The following FSTL5 variants were observed in gnomAD, a reference collection of about 807,000 sequenced individuals.
FSTL5 encodes the protein follistatin like 5.
In FSTL5, 62 loss-of-function variants were observed where a neutral mutation model predicts 89.1. The ratio of observed to expected loss-of-function variants is 0.70; its 90% CI spans 0.57 to 0.86. The LOEUF (loss-of-function observed/expected upper bound fraction) is 0.86. Ranked by LOEUF, FSTL5 falls within the 40% of genes least tolerant of loss-of-function variation. FSTL5 has a pLI of 0.00. For synonymous variants in FSTL5, 383 were observed against 346.2 expected (o/e 1.11, Z -1.18); for missense variants, 1,057 against 1,001.6 (o/e 1.06, Z -0.75).
rs559305039 is a variant in FSTL5, at chr4:162,072,024, T to G, written c.127-38366A>C. On this transcript the variant is annotated intron_variant, in intron 2 of 15. Transcript: ENST00000306100. ...ATGGTATCACTGCTTATATATTAGA[T>G]GTGTCATTGACATATAACGTCAATA... Among the ~76,000 whole-genome samples, 8 of 151,884 alleles carry G rather than the reference T, an allele frequency of 5.3e-5. No homozygotes were observed. The East Asian group carries it at 1.6e-3, about 29-fold the overall frequency.
intron 2 of FSTL5, among the ~76,000 whole-genome samples, chr4:162,109,226 A>C (rs1731342363): frequency 6.6e-6 from 1 of 152,058 alleles, no homozygotes; most frequent in Non-Finnish European, 1.5e-5. Context: ...TCAAGGTGTC[A>C]GAGAAAAGAA....
chr4:161,690,097 C>A (rs1737878909), intron 6 of FSTL5, among the ~76,000 whole-genome samples: 1 of 152,046 alleles, frequency 6.6e-6, no homozygotes, highest in Non-Finnish European at 1.5e-5. Flanking sequence ...CATACATAAA[C>A]AAGTATTTAC....
intron 1 of FSTL5, among the ~76,000 whole-genome samples, chr4:162,137,077 A>T (rs1008961913): frequency 6.6e-6 from 1 of 152,092 alleles, no homozygotes; most frequent in East Asian, 1.9e-4. Context: ...TAAACAAGAG[A>T]GAATACATGT....
intron 15 of FSTL5, among the ~76,000 whole-genome samples, chr4:161,429,696 T>TA (rs1459805701): frequency 4.6e-5 from 7 of 152,244 alleles, no homozygotes; most frequent in African/African-American, 1.7e-4. Flanking sequence ...AACAAAAACT[T>TA]AGATTACAAC....
intron 7 of FSTL5, among the ~76,000 whole-genome samples, chr4:161,631,612 G>C (rs1485374378): frequency 6.6e-6 from 1 of 152,092 alleles, no homozygotes; most frequent in Non-Finnish European, 1.5e-5. Context: ...GTGAGATTCT[G>C]TCTCTAAATA....
At chr4:161,570,355 G>A (rs1732963268) in intron 8 of FSTL5, among the ~76,000 whole-genome samples, 1 of 152,174 alleles carries the variant, frequency 6.6e-6, no homozygotes, top group African/African-American at 2.4e-5. Context: ...AGGGGAAACA[G>A]CCAAGTGTAA....
chr4:161,632,646 T>G (rs1735540996), intron 7 of FSTL5, among the ~76,000 whole-genome samples: 1 of 152,188 alleles, frequency 6.6e-6, no homozygotes, highest in Admixed American at 6.5e-5. Flanking sequence ...TCTCTAAAAC[T>G]AATAGTCTGA....
At chr4:161,636,010 T>C (rs1006364717) in intron 7 of FSTL5, among the ~76,000 whole-genome samples, 1 of 152,038 alleles carries the variant, frequency 6.6e-6, no homozygotes, top group Non-Finnish European at 1.5e-5. Flanking sequence ...TGTTCCCTTG[T>C]GTAATTTTAG....
chr4:161,560,476 T>G (rs187733526), intron 8 of FSTL5, among the ~76,000 whole-genome samples: 99 of 152,062 alleles, frequency 6.5e-4, no homozygotes, highest in African/African-American at 2.2e-3. Flanking sequence ...AGCTTTTTAA[T>G]TTTTTCAACT....
intron 13 of FSTL5, among the ~76,000 whole-genome samples, chr4:161,478,854 G>A (rs1361599459): frequency 6.6e-6 from 1 of 151,944 alleles, no homozygotes. Flanking sequence ...TTTCTCCACA[G>A]CAATAAAAGA....
rs1474072289 is a variant in FSTL5 at position 161,920,638 on chromosome 4, C to T, written c.175G>A (p.Asp59Asn). 2 of 1,604,422 alleles carry T rather than the reference C, an allele frequency of 1.2e-6. No individual in the cohort carries two copies. Among genetic ancestry groups the T allele is most frequent in the East Asian group, 2.2e-5 (1 of 44,516 alleles). ...TTTTCACAAGATCCAAAAGGGCCAT[C>T]CTGAATCATAAATCCTGAAGAATTA... The part of the protein sequence containing the change: ...SSRVKGFMIQ[D>N]GPFGSCENKY... The change falls in exon 4 of 16, where the codon GAT becomes AAT. Residue 59 changes from aspartate to asparagine, a missense_variant. This residue lies in a region of FSTL5 where 980 missense variants were observed against 903.2 expected (regional missense o/e 1.08). Transcript: ENST00000306100.
At chr4:161,928,767 T>C (rs1482783679) in intron 3 of FSTL5, among the ~76,000 whole-genome samples, 1 of 151,766 alleles carries the variant, frequency 6.6e-6, no homozygotes, top group Non-Finnish European at 1.5e-5. Flanking sequence ...ATTGTGAAGG[T>C]TTAAGAATTT....
rs371717686 is a variant in FSTL5, at chr4:161,759,396, G to T, written c.727+15C>A. On this transcript the variant is annotated intron_variant, in intron 6 of 15. Coordinates refer to ENST00000306100, the MANE Select transcript of FSTL5 (RefSeq NM_020116.5). ...AAAGAACAAAGGGAAATTGGAGAATGAATCTTGTACTCACGGAATGCTCTA... is the reference window on the plus strand; with the variant it reads ...AAAGAACAAAGGGAAATTGGAGAATTAATCTTGTACTCACGGAATGCTCTA... 1.9e-6 allele frequency: 3 copies of T among 1,567,768 alleles called. No individual in the cohort carries two copies. Among genetic ancestry groups the T allele is most frequent in the Admixed American group, 2.0e-5 (1 of 51,260 alleles).
intron 4 of FSTL5, among the ~76,000 whole-genome samples, chr4:161,791,671 C>T (rs1051759053): frequency 6.6e-6 from 1 of 152,086 alleles, no homozygotes; most frequent in Non-Finnish European, 1.5e-5. Flanking sequence ...GTAGAAAATT[C>T]ATTAACATTA....
intron 3 of FSTL5, among the ~76,000 whole-genome samples, chr4:162,018,174 G>C (rs886826211): frequency 1.1e-4 from 17 of 152,086 alleles, no homozygotes; most frequent in Admixed American, 9.8e-4. Context: ...TTTCCTAGGG[G>C]GTAAATGGTA....
At chr4:161,618,376 G>A (rs570803356) in intron 7 of FSTL5, among the ~76,000 whole-genome samples, 14 of 134,558 alleles carry the variant, frequency 1.0e-4, no homozygotes, top group African/African-American at 4.0e-4. Context: ...TAGGAGTGGT[G>A]AGAGAGGGCA....
At chr4:161,528,143 T>C (rs1267479305) in intron 10 of FSTL5, among the ~76,000 whole-genome samples, 1 of 50,402 alleles carries the variant, frequency 2.0e-5, no homozygotes, top group Non-Finnish European at 4.1e-5. Context: ...TGGGGACTGT[T>C]GTGGGGTGGG....
intron 6 of FSTL5, among the ~76,000 whole-genome samples, chr4:161,680,416 T>G (rs4691782): frequency 0.98 from 148,868 of 151,824 alleles, 73,053 homozygotes; most frequent in Middle Eastern, 1. Context: ...TCAGCTTTAG[T>G]TTCACTAACG....
At chr4:162,110,593 T>C (rs570341425) in intron 2 of FSTL5, among the ~76,000 whole-genome samples, 3 of 151,834 alleles carry the variant, frequency 2.0e-5, no homozygotes, top group Non-Finnish European at 4.4e-5. Flanking sequence ...AACTCAAAAA[T>C]GTATTATGAA....
Sources: allele counts gnomAD v4.1 joint callset (sites outside exome capture counted in the v4.1 genomes callset), GRCh38; gene constraint gnomAD v4.1.1; regional missense constraint gnomAD v4.1.1; transcripts MANE v1.5; gene names NCBI Gene and HGNC (gene_info 2026-07-23, HGNC 2026-07-21).